HS2ST1: variants seen among roughly 807,000 people sequenced by gnomAD.
HS2ST1 encodes heparan sulfate 2-O-sulfotransferase 1, also known as 2-O-sulfotransferase.
A neutral mutation model predicts 42.9 loss-of-function variants in HS2ST1; 18 were observed. The ratio of observed to expected loss-of-function variants is 0.42; its 90% CI spans 0.29 to 0.62. The LOEUF (loss-of-function observed/expected upper bound fraction) is 0.62. HS2ST1 is among the 20% of genes least tolerant of loss of function. The pLI is 0.21. For synonymous variants in HS2ST1, 146 were observed against 152.9 expected, an observed-to-expected ratio of 0.95 and a Z score of 0.33; for missense variants, 334 against 433.8, an observed-to-expected ratio of 0.77 and a Z score of 2.04.
intron 3 of HS2ST1, among the ~76,000 whole-genome samples, chr1:87,089,947 G>A (rs564280541): frequency 6.6e-6 from 1 of 151,998 alleles, no homozygotes; most frequent in East Asian, 1.9e-4. Context: ...TCTGCGAGGA[G>A]ATTATTCTCA....
intron 1 of HS2ST1, 21 bp from the exon 2 acceptor site, chr1:87,072,913 C>A (rs202115672): frequency 7.1e-6 from 11 of 1,553,226 alleles, no homozygotes; most frequent in Middle Eastern, 1.7e-4. Flanking sequence ...AAACTTAGTT[C>A]GTATCTGTTT....
intron 2 of HS2ST1, among the ~76,000 whole-genome samples, chr1:87,080,335 G>C (rs1430563965): frequency 6.6e-6 from 1 of 152,148 alleles, no homozygotes; most frequent in Non-Finnish European, 1.5e-5. Flanking sequence ...GTTGATGAAT[G>C]AATTCATAAG....
At chr1:86,950,589 G>A (rs1647485071) in intron 1 of HS2ST1, among the ~76,000 whole-genome samples, 1 of 152,110 alleles carries the variant, frequency 6.6e-6, no homozygotes, top group African/African-American at 2.4e-5. Flanking sequence ...GATTACATAG[G>A]AAAATACTCT....
intron 2 of HS2ST1, among the ~76,000 whole-genome samples, chr1:87,081,866 C>G (rs768405073): frequency 3.8e-4 from 58 of 150,774 alleles, no homozygotes; most frequent in African/African-American, 1.1e-3. Flanking sequence ...CCCAGCTACT[C>G]AGGAGGCTGA....
chr1:87,067,667 G>A (rs1307788479), intron 1 of HS2ST1, among the ~76,000 whole-genome samples: 2 of 152,086 alleles, frequency 1.3e-5, no homozygotes, highest in African/African-American at 4.8e-5. Context: ...GAATGGTGTT[G>A]CCTAGGTTTT....
chr1:87,092,898 C>T (rs924574505), intron 4 of HS2ST1, among the ~76,000 whole-genome samples: 13 of 151,732 alleles, frequency 8.6e-5, no homozygotes, highest in Non-Finnish European at 1.6e-4. Flanking sequence ...AGGGCGGAAT[C>T]GTGTTTTCTT....
intron 1 of HS2ST1, among the ~76,000 whole-genome samples, chr1:86,981,164 A>G (rs1177107292): frequency 6.6e-6 from 1 of 152,142 alleles, no homozygotes; most frequent in Non-Finnish European, 1.5e-5. Flanking sequence ...CGAGAACAGC[A>G]TGGGGGAACC....
At chr1:87,040,788 CAG>C (rs948173753) in intron 1 of HS2ST1, among the ~76,000 whole-genome samples, 32 of 152,104 alleles carry the variant, frequency 2.1e-4, no homozygotes, top group African/African-American at 5.1e-4. Context: ...ATCTGTGTCT[CAG>C]GGGGAAAAAA....
intron 1 of HS2ST1, among the ~76,000 whole-genome samples, chr1:86,977,099 T>G (rs542049489): frequency 6.6e-6 from 1 of 152,184 alleles, no homozygotes; most frequent in Non-Finnish European, 1.5e-5. Context: ...ATAATCTGAT[T>G]TGGTATAAAT....
chr1:86,931,373 A>G (rs1352380066), intron 1 of HS2ST1, among the ~76,000 whole-genome samples: 1 of 152,052 alleles, frequency 6.6e-6, no homozygotes, highest in African/African-American at 2.4e-5. Context: ...TTAATTTTGT[A>G]GCCCATTTTT....
At chr1:86,961,029 A>G (rs890664398) in intron 1 of HS2ST1, among the ~76,000 whole-genome samples, 2 of 152,314 alleles carry the variant, frequency 1.3e-5, no homozygotes, top group African/African-American at 2.4e-5. Context: ...GATGTCCTTC[A>G]GTAGGTTAAT....
At chr1:86,989,689 T>G (rs185931321) in intron 1 of HS2ST1, among the ~76,000 whole-genome samples, 1 of 152,292 alleles carries the variant, frequency 6.6e-6, no homozygotes, top group African/African-American at 2.4e-5. Flanking sequence ...TCATCTACAT[T>G]AGGTATTTCT....
rs1652351974 is a variant in HS2ST1 at position 87,107,461 on chromosome 1, TTAAA to T, written c.*2772_*2775del. ...AGGAGTCATAATACTTTATAATCAA[TTAAA>T]TAAATAGAACCACTGAGACAATAAT... On this transcript the variant is annotated 3_prime_UTR_variant, in exon 7 of 7. Transcript: ENST00000370550. The T allele has an allele frequency of 6.6e-6, 1 of 152,150 alleles. No individual in the cohort carries two copies. The highest frequency in any genetic ancestry group is 2.1e-4 in the South Asian group (1 of 4,826). 9.4% of individuals were successfully genotyped at this position (152,150 alleles called of 1,614,324 possible).
At position 87,073,082 on chromosome 1, in the gene HS2ST1, T is replaced by A. The variant is rs1651457810; in HGVS notation, c.273T>A (p.Asn91Lys). 6.2e-7 allele frequency: 1 copy of A among 1,614,066 alleles called. No individual in the cohort carries two copies. The highest frequency in any genetic ancestry group is 8.5e-7 in the Non-Finnish European group (1 of 1,179,920). Residue 91 changes from asparagine (N) to lysine (K), a missense_variant, in exon 2 of 7, where the codon AAT (asparagine) becomes AAA (lysine). Asn to Lys is a moderately conservative substitution (Grantham distance 94, BLOSUM62 0). Transcript: ENST00000370550. ...VPKTASTSFT[N>K]IAYDLCAKNK... ...AAACGGCAAGCACTTCATTTACCAA[T>A]ATCGCCTATGACCTGTGTGCAAAGA...
At chr1:87,029,301 C>CT (rs1200823710) in intron 1 of HS2ST1, among the ~76,000 whole-genome samples, 14 of 152,044 alleles carry the variant, frequency 9.2e-5, no homozygotes, top group African/African-American at 3.1e-4. Flanking sequence ...GTGAATTATT[C>CT]TTTTTTTGCA....
At position 87,092,002 on chromosome 1, in the gene HS2ST1, CT is replaced by C. The variant is rs370439809; in HGVS notation, c.450-528del. On this transcript the variant is annotated intron_variant, in intron 3 of 6. Transcript: ENST00000370550. ...ATCCATTGATGGTGTTCAAAAAACA[CT>C]ATCAAATCTGGCTAGTGTGATGAGC... 1.9e-3 allele frequency among the ~76,000 whole-genome samples: 295 copies of C among 152,110 alleles called. 1 individual carries two copies. Among genetic ancestry groups the C allele is most frequent in the African/African-American group, 6.8e-3 (281 of 41,532 alleles).
intron 1 of HS2ST1, among the ~76,000 whole-genome samples, chr1:87,006,828 A>G (rs1018638017): frequency 6.6e-6 from 1 of 152,114 alleles, no homozygotes; most frequent in Admixed American, 6.5e-5. Context: ...TTTATTAGCA[A>G]TAATTTTTGT....
intron 1 of HS2ST1, among the ~76,000 whole-genome samples, chr1:87,056,496 A>G (rs546035727): frequency 6.6e-6 from 1 of 152,278 alleles, no homozygotes; most frequent in South Asian, 2.1e-4. Context: ...TCAACACACA[A>G]ACTATGTTTA....
At chr1:86,915,249 G>A in intron 1 of HS2ST1, 89 bp downstream of exon 1, 2 of 1,456,086 alleles carry the variant, frequency 1.4e-6, no homozygotes, top group East Asian at 4.7e-5. Context: ...ATCTAACCTG[G>A]GGTCTGGCTC....
Sources: allele counts gnomAD v4.1 joint callset (sites outside exome capture counted in the v4.1 genomes callset), GRCh38; gene constraint gnomAD v4.1.1; transcripts MANE v1.5; gene names NCBI Gene and HGNC (gene_info 2026-07-23, HGNC 2026-07-21).